Variants in SYNE1 observed in about 807,000 individuals in gnomAD.
The protein encoded by SYNE1 is nesprin-1.
Under a neutral mutation model 1,111.0 loss-of-function variants are expected in SYNE1, and 616 were observed. That is an observed-to-expected ratio of 0.55 (90% CI 0.52 to 0.59). SYNE1 has a LOEUF of 0.59. Among genes scored for constraint, SYNE1 ranks in the 20% least tolerant of loss-of-function variants. The pLI is 0.00. For missense variants in SYNE1, 10,006 were observed against 10,417.0 expected (o/e 0.96, Z 1.72); for synonymous variants, 3,855 against 3,825.8 (o/e 1.01, Z -0.28).
chr6:152,580,747 T>A (rs1392021774), intron 3 of SYNE1, among the ~76,000 whole-genome samples: 1 of 152,142 alleles, frequency 6.6e-6, no homozygotes, highest in African/African-American at 2.4e-5. Flanking sequence ...AGTATTTAAG[T>A]CTTCTAGCTG....
chr6:152,256,614 C>T lies in SYNE1; in HGVS notation c.19104+20G>A. ...AGACTCTTATAAACCAAGCCAAACACACTGATAACACAGCCTTACCTGGGA... is the reference window on the plus strand; with the variant it reads ...AGACTCTTATAAACCAAGCCAAACATACTGATAACACAGCCTTACCTGGGA... On this transcript the variant is annotated intron_variant, in intron 102 of 145. Transcript: ENST00000367255. 1 of 1,612,914 alleles carries T rather than the reference C, an allele frequency of 6.2e-7. No homozygotes were observed. The highest frequency in any genetic ancestry group is 2.2e-5 in the East Asian group (1 of 44,818).
Position 152,416,854 on chromosome 6 carries a change from C to T in SYNE1, c.5583G>A (p.Glu1861=), listed in dbSNP as rs775799469. Residue 1861 remains glutamate (E), a synonymous_variant, in exon 41 of 146, where the codon GAG becomes GAA. Coordinates refer to ENST00000367255, the MANE Select transcript of SYNE1 (RefSeq NM_182961.4). The part of the protein sequence containing the change: ...QLFEEASQVV[E]RRQLALSHLA... ...AATGGGACAGGGCAAGCTGCCGCCT[C>T]TCCACAACCTGGCTGGCCTCCTCAA... 3 of 1,614,080 alleles carry T rather than the reference C, an allele frequency of 1.9e-6. No homozygotes were observed. The highest frequency in any genetic ancestry group is 2.5e-6 in the Non-Finnish European group (3 of 1,179,918).
rs1023995726 is a variant in SYNE1 at position 152,637,273 on chromosome 6, G to A, written c.-476C>T. The A allele has an allele frequency of 3.3e-5, 5 of 152,318 alleles. No individual in the cohort carries two copies. The highest frequency in any genetic ancestry group is 1.2e-4 in the African/African-American group (5 of 41,466). The allele number at this position is 152,318 out of a possible 1,614,324, so 9.4% of individuals were successfully genotyped here. Reference sequence around the variant, plus strand: ...ACCCGCTCAGCGAGCCTTTATACCGGGACCACCTCCCGGGGGTCGAGGTGG... The same window carrying A: ...ACCCGCTCAGCGAGCCTTTATACCGAGACCACCTCCCGGGGGTCGAGGTGG... On this transcript the variant is annotated 5_prime_UTR_variant, in exon 1 of 146. Transcript: ENST00000367255.
chr6:152,369,012 T>G lies in SYNE1; in HGVS notation c.9767A>C (p.Gln3256Pro), dbSNP rs201760281. 6.2e-7 allele frequency: 1 copy of G among 1,614,224 alleles called. No homozygotes were observed. The highest frequency in any genetic ancestry group is 2.2e-5 in the East Asian group (1 of 44,882). ...TAGCGCTAGATACTGAGAAGACAGC[T>G]GCGACACTCTGTGCCTAAAGCTCTT... ...ASKSFRHRVS[Q>P]LSSQYLALSN... is the part of the protein sequence containing the mutation. Residue 3256 changes from glutamine to proline, a missense_variant, in exon 61 of 146, where the codon CAG (glutamine) becomes CCG (proline). Gln to Pro is a moderately conservative substitution (Grantham distance 76, BLOSUM62 -1). Around this residue, in one of 7 missense-constraint regions of SYNE1, gnomAD observed 4,955 missense variants for 5,017.2 expected, o/e 0.99. Coordinates refer to ENST00000367255, the MANE Select transcript of SYNE1 (RefSeq NM_182961.4).
intron 81 of SYNE1, among the ~76,000 whole-genome samples, chr6:152,324,253 A>G (rs961250765): frequency 6.6e-6 from 1 of 151,764 alleles, no homozygotes; most frequent in South Asian, 2.1e-4. Flanking sequence ...ACAAAAATTA[A>G]CCAGGTGTGG....
chr6:152,152,163 T>C lies in SYNE1; in HGVS notation c.24130-22A>G, dbSNP rs767105969. ...AAGCCTAAGGCCACAGAGAAGCATA[T>C]CAGTGTGAGAAATCAGCGAAGGACT... On this transcript the variant is annotated intron_variant, in intron 133 of 145. Transcript: ENST00000367255. 7 of 1,612,128 alleles carry C rather than the reference T, an allele frequency of 4.3e-6. No homozygotes were observed. In the South Asian group the frequency reaches 5.5e-5, roughly 13 times the overall value.
chr6:152,502,708 A>G lies in SYNE1; in HGVS notation c.813T>C (p.Ile271=). ...VDVDKPDEKS[I]MTYVAQFLKH... ...TCAGAAACTGGGCTACATAGGTCATAATAGATTTCTCATCTGGTTTATCCA... is the reference window on the plus strand; with the variant it reads ...TCAGAAACTGGGCTACATAGGTCATGATAGATTTCTCATCTGGTTTATCCA... The change falls in exon 10 of 146, where the codon ATT becomes ATC. Residue 271 remains isoleucine (I), a synonymous_variant. Coordinates refer to ENST00000367255, the MANE Select transcript of SYNE1 (RefSeq NM_182961.4). 6.2e-7 allele frequency: 1 copy of G among 1,613,864 alleles called. No individual in the cohort carries two copies. Among genetic ancestry groups the G allele is most frequent in the Non-Finnish European group, 8.5e-7 (1 of 1,179,836 alleles).
intron 11 of SYNE1, 69 bp downstream of exon 11, chr6:152,498,673 A>G: frequency 9.2e-7 from 1 of 1,085,482 alleles, no homozygotes; most frequent in Non-Finnish European, 1.4e-6. Flanking sequence ...ATGCAAGGGA[A>G]TGACTAAAAT....
intron 3 of SYNE1, among the ~76,000 whole-genome samples, chr6:152,557,692 C>T (rs532940534): frequency 6.6e-6 from 1 of 152,202 alleles, no homozygotes; most frequent in Admixed American, 6.5e-5. Flanking sequence ...AAAATACTGT[C>T]AACCAATAAT....
chr6:152,395,517 T>C lies in SYNE1; in HGVS notation c.7711A>G (p.Arg2571Gly), dbSNP rs752109986. Residue 2571 changes from arginine to glycine, a missense_variant and splice_region_variant, in exon 51 of 146, where the codon AGA (arginine) becomes GGA (glycine). By Grantham distance (125) the Arg-to-Gly change is moderately radical. This residue lies in a region of SYNE1 where 4,955 missense variants were observed against 5,017.2 expected (regional missense o/e 0.99). Transcript: ENST00000367255. ...ACCTGTTCCATTTCTGGACCATACC[T>C]TGCAGCCAGCAGTTCTCCCAAAAAC... ...EMFLGELLAA[R>G]ESLDKLSQRG... is the part of the protein sequence containing the mutation. The C allele has an allele frequency of 6.2e-7, 1 of 1,613,638 alleles. No individual in the cohort carries two copies. Among genetic ancestry groups the C allele is most frequent in the South Asian group, 1.1e-5 (1 of 91,014 alleles).
At chr6:152,282,759 C>T (rs1053170497) in intron 96 of SYNE1, among the ~76,000 whole-genome samples, 1 of 151,874 alleles carries the variant, frequency 6.6e-6, no homozygotes, top group Admixed American at 6.6e-5. Context: ...GCAGACACAT[C>T]GGCTTTAAAT....
At chr6:152,407,642 A>C (rs561228928) in intron 44 of SYNE1, among the ~76,000 whole-genome samples, 2 of 152,190 alleles carry the variant, frequency 1.3e-5, no homozygotes, top group Admixed American at 1.3e-4. Flanking sequence ...GAAAGCAACC[A>C]ATTTTGCACA....
intron 145 of SYNE1, chr6:152,127,553 G>A (rs2053922822): frequency 6.6e-6 from 1 of 152,112 alleles, no homozygotes; most frequent in South Asian, 2.1e-4. Flanking sequence ...TATTAATAGT[G>A]CTTTCAAGCA....
rs144695042 is a variant in SYNE1 at position 152,415,831 on chromosome 6, AT to A, written c.6050+555del. On this transcript the variant is annotated intron_variant, in intron 41 of 145. Transcript: ENST00000367255. Reference sequence around the variant, plus strand: ...AAAAAAAAAAGAAGAGGAAGAAGAAATTGCTAAATATGGTACTATCAACCAA... The same window carrying A: ...AAAAAAAAAAGAAGAGGAAGAAGAAATGCTAAATATGGTACTATCAACCAA... 4.4e-3 allele frequency among the ~76,000 whole-genome samples: 665 copies of A among 151,146 alleles called. 9 individuals are homozygous for A. Among genetic ancestry groups the A allele is most frequent in the African/African-American group, 0.016 (640 of 41,148 alleles).
chr6:152,587,777 C>T (rs2128482569), intron 3 of SYNE1, among the ~76,000 whole-genome samples: 1 of 152,280 alleles, frequency 6.6e-6, no homozygotes, highest in East Asian at 1.9e-4. Context: ...TTATGTGTTT[C>T]CATTCTCTTG....
intron 10 of SYNE1, among the ~76,000 whole-genome samples, chr6:152,502,320 A>T (rs969615711): frequency 2.6e-5 from 4 of 152,226 alleles, no homozygotes; most frequent in Non-Finnish European, 5.9e-5. Flanking sequence ...AAATGCTATG[A>T]CAGAAATACA....
rs776119707 is a variant in SYNE1 at position 152,133,365 on chromosome 6, T to C, written c.25912A>G (p.Ile8638Val). The change falls in exon 143 of 146, where the codon ATT (isoleucine) becomes GTT (valine). Residue 8638 changes from isoleucine to valine, a missense_variant. By Grantham distance (29) the Ile-to-Val change is conservative (BLOSUM62 3). Coordinates refer to ENST00000367255, the MANE Select transcript of SYNE1 (RefSeq NM_182961.4). Reference protein sequence around the residue: ...CLEAKEKVHVIGNRLKLLLKE... With the variant: ...CLEAKEKVHVVGNRLKLLLKE... The stretch of plus-strand genomic sequence containing the variant: ...AAGAGAAGTTTGAGCCGATTTCCAA[T>C]AACATGGACTTTTTCTTTGGCTTCT... 3.7e-6 allele frequency: 6 copies of C among 1,614,228 alleles called. No homozygotes were observed. The highest frequency in any genetic ancestry group is 5.1e-6 in the Non-Finnish European group (6 of 1,180,040).
Position 152,242,468 on chromosome 6 carries a change from T to C in SYNE1, c.19693-28A>G, listed in dbSNP as rs1226705594. The C allele has an allele frequency of 1.9e-6, 3 of 1,611,872 alleles. No homozygotes were observed. In the African/African-American group the frequency reaches 4.0e-5, roughly 22 times the overall value. On this transcript the variant is annotated intron_variant, in intron 106 of 145. Transcript: ENST00000367255. ...AAGAAGCAGAGACCACAAGACTCAC[T>C]CTCAATTCATATTCTGGCAACCCTC...
Position 152,136,717 on chromosome 6 carries a change from C to A in SYNE1, c.25560G>T (p.Leu8520=). 6.2e-7 allele frequency: 1 copy of A among 1,614,250 alleles called. No homozygotes were observed. The highest frequency in any genetic ancestry group is 8.5e-7 in the Non-Finnish European group (1 of 1,180,044). ...TQADSKESRD[L]QDRLSQMNGR... is the part of the protein sequence containing the mutation. ...CATTCATCTGCGACAAGCGATCCTGCAGGTCCCGGCTCTCCTTGCTGTCAG... is the reference window on the plus strand; with the variant it reads ...CATTCATCTGCGACAAGCGATCCTGAAGGTCCCGGCTCTCCTTGCTGTCAG... Residue 8520 remains leucine, a synonymous_variant, in exon 141 of 146, where the codon CTG becomes CTT. Coordinates refer to ENST00000367255, the MANE Select transcript of SYNE1 (RefSeq NM_182961.4).
Sources: allele counts gnomAD v4.1 joint callset (sites outside exome capture counted in the v4.1 genomes callset), GRCh38; gene constraint gnomAD v4.1.1; regional missense constraint gnomAD v4.1.1; transcripts MANE v1.5; gene names NCBI Gene and HGNC (gene_info 2026-07-23, HGNC 2026-07-21).